The following SLC12A7 variants were observed in gnomAD, a reference collection of about 807,000 sequenced individuals.
The protein encoded by SLC12A7 is K-Cl cotransporter 4.
A neutral mutation model predicts 120.6 loss-of-function variants in SLC12A7; 100 were observed. That is an observed-to-expected ratio of 0.83 (90% CI 0.71 to 0.98). SLC12A7 has a LOEUF of 0.98. SLC12A7 is among the 50% of genes least tolerant of loss of function. SLC12A7 has a pLI of 0.00. For synonymous variants in SLC12A7, 760 were observed against 678.0 expected (o/e 1.12, Z -1.88); for missense variants, 1,373 against 1,548.1 (o/e 0.89, Z 1.90).
intron 1 of SLC12A7, among the ~76,000 whole-genome samples, chr5:1,099,545 G>C (rs1002301707): frequency 6.6e-6 from 1 of 152,112 alleles, no homozygotes; most frequent in South Asian, 2.1e-4. Flanking sequence ...TCCCAGTTCC[G>C]GCCAGGACAC....
At chr5:1,131,055 G>A in the SLC12A7 span, among the ~76,000 whole-genome samples, 1 of 152,132 alleles carries the variant, frequency 6.6e-6, no homozygotes, top group African/African-American at 2.4e-5. Context: ...CTGGGGGAGG[G>A]TAGCAAGGCC....
chr5:1,155,218 G>C, the SLC12A7 span, among the ~76,000 whole-genome samples: 1 of 151,994 alleles, frequency 6.6e-6, no homozygotes, highest in African/African-American at 2.4e-5. Flanking sequence ...TGCCGGGCCA[G>C]ACCCCTGCCA....
chr5:1,118,304 AG>A, the SLC12A7 span, among the ~76,000 whole-genome samples: 1 of 152,216 alleles, frequency 6.6e-6, no homozygotes, highest in Non-Finnish European at 1.5e-5. Context: ...CTGTCTGGGC[AG>A]CAGGCAAGGT....
the SLC12A7 span, among the ~76,000 whole-genome samples, chr5:1,126,787 A>C: frequency 6.6e-6 from 1 of 152,150 alleles, no homozygotes; most frequent in African/African-American, 2.4e-5. Context: ...ACCTATCGAA[A>C]CCATAAGATG....
intron 3 of SLC12A7, among the ~76,000 whole-genome samples, chr5:1,089,462 C>T (rs532946222): frequency 1.8e-4 from 27 of 152,136 alleles, no homozygotes; most frequent in Admixed American, 4.6e-4. Context: ...CCCCCGGCTC[C>T]GTTCCCTGGA....
Position 1,088,331 on chromosome 5 carries a change from C to T in SLC12A7, c.519G>A (p.Ala173=), listed in dbSNP as rs769955188. 2.0e-5 allele frequency: 32 copies of T among 1,587,788 alleles called. No homozygotes were observed. The highest frequency in any genetic ancestry group is 1.7e-4 in the Middle Eastern group (1 of 6,060). ...CTMLTAISMS[A]IATNGVVPAG... is the part of the protein sequence containing the mutation. ...CTGGGACCACACCGTTGGTAGCGAT[C>T]GCACTCATGGAAATGGCGGTCAGCA... Residue 173 remains alanine, a synonymous_variant, in exon 5 of 24, where the codon GCG becomes GCA. Transcript: ENST00000264930.
In SLC12A7 at chr5:1,087,039, G is replaced by C. The variant is rs2150864860; in HGVS notation, c.545-6C>G. 2 of 1,609,942 alleles carry C rather than the reference G, an allele frequency of 1.2e-6. No individual in the cohort carries two copies. Among genetic ancestry groups the C allele is most frequent in the Non-Finnish European group, 8.5e-7 (1 of 1,178,138 alleles). Reference sequence around the variant, plus strand: ...CATGTAGTAGGACCCGCCAGCTGCGGAGACAAAGGCGGCAGCCGCGGGTCA... The same window carrying C: ...CATGTAGTAGGACCCGCCAGCTGCGCAGACAAAGGCGGCAGCCGCGGGTCA... On this transcript the variant is annotated splice_polypyrimidine_tract_variant and splice_region_variant and intron_variant, in intron 5 of 23. Transcript: ENST00000264930.
chr5:1,116,491 T>A (rs1004498971), upstream of SLC12A7, among the ~76,000 whole-genome samples: 3 of 152,216 alleles, frequency 2.0e-5, no homozygotes, highest in African/African-American at 4.8e-5. Context: ...AGACCATCTG[T>A]GTCTGAGACT....
In SLC12A7 at chr5:1,076,177, C is replaced by T. The variant is rs570062685; in HGVS notation, c.1808G>A (p.Arg603His). ...NLACAVQTLL[R>H]TPNWRPRFKF... ...GAAGCGTGGACGCCAGTTGGGGGTA[C>T]GTAGCAGGGTCTGCACGGCGCAGGC... is the stretch of plus-strand genomic sequence containing the variant. The change falls in exon 14 of 24, where the codon CGT becomes CAT. Residue 603 changes from arginine to histidine, a missense_variant. Arg to His is a conservative substitution (Grantham distance 29). Transcript: ENST00000264930. 3.3e-5 allele frequency: 54 copies of T among 1,612,348 alleles called. 1 individual carries two copies. The highest frequency in any genetic ancestry group is 2.2e-4 in the East Asian group (10 of 44,872).
the SLC12A7 span, among the ~76,000 whole-genome samples, chr5:1,140,481 G>A: frequency 7.9e-6 from 1 of 126,926 alleles, no homozygotes; most frequent in East Asian, 2.1e-4. Flanking sequence ...TGGTGAGTGG[G>A]TGCCCCCTGC....
intron 21 of SLC12A7, 85 bp from the exon 22 acceptor site, chr5:1,057,734 G>A: frequency 1.5e-6 from 2 of 1,356,906 alleles, no homozygotes; most frequent in Non-Finnish European, 2.0e-6. Flanking sequence ...CCGGAGGTGA[G>A]GGCAGCTCAC....
chr5:1,079,144 T>C (rs1262932750), intron 10 of SLC12A7, among the ~76,000 whole-genome samples: 1 of 152,108 alleles, frequency 6.6e-6, no homozygotes, highest in Non-Finnish European at 1.5e-5. Flanking sequence ...CACACACCGC[T>C]GCGCATCACT....
the SLC12A7 span, among the ~76,000 whole-genome samples, chr5:1,151,203 C>T: frequency 6.6e-6 from 1 of 152,260 alleles, no homozygotes; most frequent in South Asian, 2.1e-4. The surrounding 1 kb of genome is among the most constrained non-coding windows in gnomAD (Gnocchi z 6.2). Context: ...CGTTGCTTCC[C>T]AGCCAGAGCA....
intron 17 of SLC12A7, among the ~76,000 whole-genome samples, chr5:1,065,985 G>A (rs922649907): frequency 1.3e-5 from 2 of 152,168 alleles, no homozygotes; most frequent in Admixed American, 6.5e-5. Flanking sequence ...GGTCACTGCT[G>A]TGTGCAGTCT....
rs1337116063 is a variant in SLC12A7 at position 1,082,467 on chromosome 5, G to A, written c.1130-723C>T. ...CTGGAAAGCCTGGGCTTCCTCTCTAGGGTTCTGGAAAGTCCGGGCTTCCCC... is the reference window on the plus strand; with the variant it reads ...CTGGAAAGCCTGGGCTTCCTCTCTAAGGTTCTGGAAAGTCCGGGCTTCCCC... On this transcript the variant is annotated intron_variant, in intron 8 of 23. Coordinates refer to ENST00000264930, the MANE Select transcript of SLC12A7 (RefSeq NM_006598.3). Among the ~76,000 whole-genome samples the A allele has an allele frequency of 3.0e-5, 4 of 132,310 alleles. No individual in the cohort carries two copies. In the East Asian group the frequency reaches 9.7e-4, roughly 32 times the overall value. 86.8% of individuals were successfully genotyped at this position (132,310 alleles called of 152,430 possible).
chr5:1,112,929 GC>G (rs1743155369), upstream of SLC12A7, among the ~76,000 whole-genome samples: 1 of 127,982 alleles, frequency 7.8e-6, no homozygotes, highest in South Asian at 2.8e-4. Flanking sequence ...CTCCACACCT[GC>G]CCCAGGAGTG....
the SLC12A7 span, among the ~76,000 whole-genome samples, chr5:1,128,159 G>T: frequency 6.6e-6 from 1 of 152,216 alleles, no homozygotes; most frequent in Admixed American, 6.5e-5. Context: ...CTGGGAGGTG[G>T]GTGCCTGAGG....
chr5:1,067,719 G>C (rs1248582716), intron 17 of SLC12A7, among the ~76,000 whole-genome samples: 1 of 152,220 alleles, frequency 6.6e-6, no homozygotes, highest in East Asian at 1.9e-4. Flanking sequence ...CCTCACTGTT[G>C]GGAAAACCAC....
intron 17 of SLC12A7, among the ~76,000 whole-genome samples, chr5:1,069,308 A>G (rs1000227874): frequency 3.3e-5 from 5 of 152,202 alleles, no homozygotes; most frequent in African/African-American, 9.6e-5. Flanking sequence ...ACGTGCCCAC[A>G]GCCCTCTTGA....
Sources: allele counts gnomAD v4.1 joint callset (sites outside exome capture counted in the v4.1 genomes callset), GRCh38; gene constraint gnomAD v4.1.1; non-coding constraint Gnocchi (gnomAD v3.1); transcripts MANE v1.5; gene names NCBI Gene and HGNC (gene_info 2026-07-23, HGNC 2026-07-21).